The following TEX14 variants were observed in gnomAD, a reference collection of about 807,000 sequenced individuals.
The protein encoded by TEX14 is testis expressed 14, intercellular bridge forming factor.
In TEX14, 168 loss-of-function variants were observed where a neutral mutation model predicts 178.6. The observed-to-expected ratio is 0.94, with a 90% CI of 0.83 to 1.07. The LOEUF (loss-of-function observed/expected upper bound fraction) is 1.07, where lower values mean the gene tolerates loss of function less well. Among genes scored for constraint, TEX14 ranks in the 50% least tolerant of loss-of-function variants. TEX14 has a pLI of 0.00. For synonymous variants in TEX14, 626 were observed against 634.1 expected (o/e 0.99, Z 0.19); for missense variants, 1,730 against 1,753.6 (o/e 0.99, Z 0.24).
intron 1 of TEX14, among the ~76,000 whole-genome samples, chr17:58,669,590 C>T (rs1401885993): frequency 1.3e-5 from 2 of 151,522 alleles, no homozygotes; most frequent in African/African-American, 4.8e-5. Flanking sequence ...AAAAATTAGC[C>T]AGGTGTGGTG....
At chr17:58,645,551 G>T (rs1387562306) in intron 2 of TEX14, among the ~76,000 whole-genome samples, 1 of 151,702 alleles carries the variant, frequency 6.6e-6, no homozygotes, top group Non-Finnish European at 1.5e-5. Context: ...GTAGAGACAG[G>T]GTTTCACCAT....
rs1467464486 is a variant in TEX14 at position 58,601,399 on chromosome 17, G to A, written c.1678+407C>T. Among the ~76,000 whole-genome samples the A allele has an allele frequency of 5.9e-5, 9 of 151,974 alleles. No homozygotes were observed. In the South Asian group the frequency reaches 1.7e-3, roughly 28 times the overall value. Reference sequence around the variant, plus strand: ...TAGCTGGGCATGGTTGTGCGTGCCTGTAATCCCAGCTACTCAGGAGGCTGA... The same window carrying A: ...TAGCTGGGCATGGTTGTGCGTGCCTATAATCCCAGCTACTCAGGAGGCTGA... On this transcript the variant is annotated intron_variant, in intron 13 of 31. Transcript: ENST00000349033.
intron 3 of TEX14, among the ~76,000 whole-genome samples, chr17:58,625,915 T>C (rs1030495877): frequency 6.6e-6 from 1 of 151,790 alleles, no homozygotes; most frequent in African/African-American, 2.4e-5. Context: ...TAATTTTTTT[T>C]TTTTTTTAAT....
chr17:58,690,081 C>A (rs188352819), intron 1 of TEX14, among the ~76,000 whole-genome samples: 77 of 151,850 alleles, frequency 5.1e-4, no homozygotes, highest in African/African-American at 1.8e-3. Flanking sequence ...GATCTCCTGA[C>A]CTTGTGATCT....
chr17:58,685,809 T>C (rs988226732), intron 1 of TEX14, among the ~76,000 whole-genome samples: 2 of 151,370 alleles, frequency 1.3e-5, no homozygotes, highest in African/African-American at 4.9e-5. Flanking sequence ...CTGGCCAACA[T>C]GGTGAAACAC....
chr17:58,660,634 C>A (rs778223109), intron 1 of TEX14: 2 of 790,708 alleles, frequency 2.5e-6, no homozygotes, highest in Admixed American at 1.7e-5. Context: ...TCCAGTCATC[C>A]CACTCTCGAG....
At chr17:58,559,650 C>T in intron 29 of TEX14, 88 bp from the exon 30 acceptor site, 1 of 704,686 alleles carries the variant, frequency 1.4e-6, no homozygotes, top group Non-Finnish European at 2.6e-6. Context: ...CAAACAACAA[C>T]AACAACAACA....
chr17:58,656,055 C>T (rs1349418459), intron 1 of TEX14, among the ~76,000 whole-genome samples: 1 of 152,182 alleles, frequency 6.6e-6, no homozygotes, highest in Admixed American at 6.6e-5. Context: ...AATCCTAGCA[C>T]TTTGAGAGGC....
At chr17:58,660,727 T>G in intron 1 of TEX14, 1 of 781,458 alleles carries the variant, frequency 1.3e-6, no homozygotes, top group Non-Finnish European at 2.4e-6. Flanking sequence ...ATTCTTCTGG[T>G]GTTGCCTTGG....
chr17:58,686,298 T>C (rs927128026), intron 1 of TEX14, among the ~76,000 whole-genome samples: 1 of 152,144 alleles, frequency 6.6e-6, no homozygotes, highest in Non-Finnish European at 1.5e-5. Context: ...GATATGATTA[T>C]GCAGAGTGAA....
At position 58,654,733 on chromosome 17, in the gene TEX14, C is replaced by T. The variant is rs1166437432; in HGVS notation, c.-1-2731G>A. Reference sequence around the variant, plus strand: ...TGTTGGCCAGGGTGGTCTCAAACTTCTGACCTCAGGTGATCTGCCCACCTT... The same window carrying T: ...TGTTGGCCAGGGTGGTCTCAAACTTTTGACCTCAGGTGATCTGCCCACCTT... On this transcript the variant is annotated intron_variant, in intron 1 of 31. Transcript: ENST00000349033. Among the ~76,000 whole-genome samples, 64 of 151,806 alleles carry T rather than the reference C, an allele frequency of 4.2e-4. No individual in the cohort carries two copies. The Middle Eastern group carries it at 0.01, about 24-fold the overall frequency.
intron 1 of TEX14, chr17:58,661,391 A>G (rs189854968): frequency 1.6e-4 from 147 of 892,266 alleles, no homozygotes; most frequent in Admixed American, 9.1e-4. Context: ...AATCTCCTCC[A>G]AATCTTCATT....
intron 26 of TEX14, among the ~76,000 whole-genome samples, chr17:58,566,537 G>A (rs948897383): frequency 7.2e-5 from 11 of 152,172 alleles, no homozygotes; most frequent in East Asian, 1.9e-4. Flanking sequence ...GGTGGCTCAC[G>A]CCTGTAATCC....
intron 2 of TEX14, chr17:58,631,628 A>T (rs1375957819): frequency 2.0e-5 from 3 of 151,860 alleles, no homozygotes; most frequent in African/African-American, 7.2e-5. Context: ...TCTGAAAAAA[A>T]AAAAAACCCA....
chr17:58,564,358 T>C (rs1346410835), intron 28 of TEX14: 3 of 152,356 alleles, frequency 2.0e-5, no homozygotes, highest in African/African-American at 7.2e-5. Context: ...TGCTGACACG[T>C]GCTACAACAC....
In TEX14 at chr17:58,690,772, C is replaced by T. The variant is rs78971234; in HGVS notation, c.-2+1167G>A. On this transcript the variant is annotated intron_variant, in intron 1 of 31. Coordinates refer to ENST00000349033, the MANE Select transcript of TEX14 (RefSeq NM_031272.5). ...TACCAAATGGGGTATAAATGCTTCT[C>T]GTATTCTCCCCGCCAGTAGGGACTC... Among the ~76,000 whole-genome samples, 17 of 152,244 alleles carry T rather than the reference C, an allele frequency of 1.1e-4. No homozygotes were observed. In the East Asian group the frequency reaches 2.7e-3, roughly 24 times the overall value.
At chr17:58,591,688 G>A (rs8072873) in intron 15 of TEX14, among the ~76,000 whole-genome samples, 1 of 148,760 alleles carries the variant, frequency 6.7e-6, no homozygotes. Context: ...CAAAGTTGTG[G>A]ATTAGTGCTA....
intron 29 of TEX14, 83 bp downstream of exon 29, chr17:58,561,437 A>T: frequency 1.1e-6 from 1 of 895,384 alleles, no homozygotes; most frequent in Non-Finnish European, 1.8e-6. Context: ...TGCCATCATC[A>T]GGCATTCATT....
At chr17:58,664,760 G>A (rs911062629) in intron 1 of TEX14, among the ~76,000 whole-genome samples, 1 of 152,174 alleles carries the variant, frequency 6.6e-6, no homozygotes, top group African/African-American at 2.4e-5. Context: ...TCTTATGACT[G>A]CATTGATTAA....
Sources: allele counts gnomAD v4.1 joint callset (sites outside exome capture counted in the v4.1 genomes callset), GRCh38; gene constraint gnomAD v4.1.1; transcripts MANE v1.5; gene names NCBI Gene and HGNC (gene_info 2026-07-23, HGNC 2026-07-21).